SEMA5A: variants seen among roughly 807,000 people sequenced by gnomAD.
SEMA5A encodes semaphorin 5A, also known as semaphorin-5A.
A neutral mutation model predicts 135.5 loss-of-function variants in SEMA5A; 55 were observed. The observed-to-expected ratio is 0.41, with a 90% CI of 0.33 to 0.51. The LOEUF is 0.51. Among genes scored for constraint, SEMA5A ranks in the 20% least tolerant of loss-of-function variants. The pLI is 0.37. For missense variants in SEMA5A, 1,290 were observed against 1,419.9 expected (o/e 0.91, Z 1.47); for synonymous variants, 580 against 546.5 (o/e 1.06, Z -0.85).
chr5:9,111,590 C>T (rs974064321), intron 15 of SEMA5A, among the ~76,000 whole-genome samples: 6 of 152,058 alleles, frequency 3.9e-5, no homozygotes, highest in African/African-American at 1.4e-4. Context: ...GTTTTTTTCT[C>T]TTTCTCCTAT....
rs370310565 is a variant in SEMA5A, at chr5:9,066,557, G to A, written c.2163C>T (p.Asn721=). Residue 721 remains asparagine, a synonymous_variant, in exon 17 of 23, where the codon AAC becomes AAT. Coordinates refer to ENST00000382496, the MANE Select transcript of SEMA5A (RefSeq NM_003966.3). ...TPWTPVNISD[N]GGHYEQRFRY... ...GGAATCGTTGCTCATAGTGGCCGCC[G>A]TTGTCAGAGATGTTGACAGGTGTCC... is the stretch of plus-strand genomic sequence containing the variant. 84 of 1,614,152 alleles carry A rather than the reference G, an allele frequency of 5.2e-5. No individual in the cohort carries two copies. The highest frequency in any genetic ancestry group is 8.0e-5 in the African/African-American group (6 of 75,016).
Position 9,459,948 on chromosome 5 carries a change from T to C in SEMA5A, c.-174-22096A>G, listed in dbSNP as rs191537567. Among the ~76,000 whole-genome samples the C allele has an allele frequency of 2.0e-5, 3 of 152,350 alleles. No homozygotes were observed. The East Asian group carries it at 5.8e-4, about 29-fold the overall frequency. On this transcript the variant is annotated intron_variant, in intron 1 of 22. Transcript: ENST00000382496. ...GCAGATAACTGATTCCTTTTCCATT[T>C]ACAATTCTGCAGTGGTTCTAAAGAA...
intron 5 of SEMA5A, among the ~76,000 whole-genome samples, chr5:9,291,471 G>T (rs541916454): frequency 6.6e-6 from 1 of 152,250 alleles, no homozygotes; most frequent in Admixed American, 6.5e-5. Context: ...TCTCTTGAAG[G>T]CAGGTGCCAT....
chr5:9,419,402 G>A (rs535600517), intron 2 of SEMA5A, among the ~76,000 whole-genome samples: 3 of 152,238 alleles, frequency 2.0e-5, no homozygotes, highest in Admixed American at 6.5e-5. Flanking sequence ...CAGAGTGTGT[G>A]CCTCACTTAG....
In SEMA5A at chr5:9,249,261, G is replaced by A. The variant is rs574513660; in HGVS notation, c.271-11371C>T. ...CTATAAAGGAAATCTCTATTTGTAA[G>A]GGTGTCTCCCCTACTGTACCAGGAA... On this transcript the variant is annotated intron_variant, in intron 5 of 22. Coordinates refer to ENST00000382496, the MANE Select transcript of SEMA5A (RefSeq NM_003966.3). Among the ~76,000 whole-genome samples the A allele has an allele frequency of 7.2e-5, 11 of 152,308 alleles. No homozygotes were observed. The East Asian group carries it at 1.7e-3, about 24-fold the overall frequency.
intron 17 of SEMA5A, among the ~76,000 whole-genome samples, chr5:9,064,631 C>G (rs1031790689): frequency 6.6e-6 from 1 of 152,212 alleles, no homozygotes; most frequent in East Asian, 1.9e-4. Context: ...ACACCACAGA[C>G]CGGGGCCTGT....
intron 5 of SEMA5A, among the ~76,000 whole-genome samples, chr5:9,283,660 A>C (rs1410101458): frequency 6.6e-6 from 1 of 152,200 alleles, no homozygotes; most frequent in Non-Finnish European, 1.5e-5. Flanking sequence ...ACCAGGGGGC[A>C]GAATCCTGGG....
At chr5:9,283,983 T>C (rs941328172) in intron 5 of SEMA5A, among the ~76,000 whole-genome samples, 1 of 151,382 alleles carries the variant, frequency 6.6e-6, no homozygotes, top group Non-Finnish European at 1.5e-5. Flanking sequence ...TACTAAAAAA[T>C]AGATAGATAG....
chr5:9,171,437 G>C (rs759665689), intron 11 of SEMA5A, among the ~76,000 whole-genome samples: 15 of 152,166 alleles, frequency 9.9e-5, no homozygotes, highest in Non-Finnish European at 1.3e-4. Context: ...TTAAACATCA[G>C]TTTGGAGAAA....
At chr5:9,269,801 G>C (rs1289306839) in intron 5 of SEMA5A, among the ~76,000 whole-genome samples, 1 of 152,020 alleles carries the variant, frequency 6.6e-6, no homozygotes, top group Non-Finnish European at 1.5e-5. Context: ...CAAAACATAA[G>C]AATTAGTTCT....
chr5:9,046,357 G>C (rs1736252660), intron 21 of SEMA5A, among the ~76,000 whole-genome samples: 1 of 152,212 alleles, frequency 6.6e-6, no homozygotes, highest in Non-Finnish European at 1.5e-5. Context: ...AATGAGAAGA[G>C]CCTGGGTGCA....
chr5:9,328,987 C>T (rs1202346984), intron 4 of SEMA5A, among the ~76,000 whole-genome samples: 2 of 152,312 alleles, frequency 1.3e-5, no homozygotes, highest in East Asian at 1.9e-4. Flanking sequence ...TTACTTCCCC[C>T]TCTCTGTCAC....
intron 4 of SEMA5A, among the ~76,000 whole-genome samples, chr5:9,326,652 C>A (rs1486115822): frequency 6.6e-6 from 1 of 151,982 alleles, no homozygotes; most frequent in Non-Finnish European, 1.5e-5. Flanking sequence ...CGTAGTGGTG[C>A]ACAACTGTAA....
chr5:9,214,035 G>A (rs1746484081), intron 8 of SEMA5A, among the ~76,000 whole-genome samples: 1 of 152,144 alleles, frequency 6.6e-6, no homozygotes, highest in African/African-American at 2.4e-5. Context: ...CCAGAGACTG[G>A]GGAAAATGGA....
At chr5:9,467,466 C>T (rs1029685782) in intron 1 of SEMA5A, among the ~76,000 whole-genome samples, 5 of 152,136 alleles carry the variant, frequency 3.3e-5, no homozygotes, top group Non-Finnish European at 7.3e-5. Flanking sequence ...ATTAGAACTC[C>T]AGGCACCTTC....
At chr5:9,200,055 T>C (rs1745620136) in intron 9 of SEMA5A, among the ~76,000 whole-genome samples, 1 of 152,130 alleles carries the variant, frequency 6.6e-6, no homozygotes, top group African/African-American at 2.4e-5. Context: ...TTTCTTTCCG[T>C]TTGAAAAAAA....
chr5:9,321,681 T>C (rs1392323406), intron 4 of SEMA5A, among the ~76,000 whole-genome samples: 4 of 152,202 alleles, frequency 2.6e-5, no homozygotes, highest in Admixed American at 1.3e-4. Context: ...ATGTTAATTT[T>C]GTCATTGGTC....
intron 12 of SEMA5A, among the ~76,000 whole-genome samples, chr5:9,144,466 C>A (rs899275953): frequency 6.6e-6 from 1 of 152,168 alleles, no homozygotes. Context: ...GGAAGAGGTT[C>A]AATGCCAAGG....
chr5:9,279,390 A>C (rs1345183793), intron 5 of SEMA5A, among the ~76,000 whole-genome samples: 1 of 152,166 alleles, frequency 6.6e-6, no homozygotes, highest in African/African-American at 2.4e-5. Context: ...TTGATTTTAC[A>C]GGATCATAGG....
Sources: gnomAD v4.1 joint callset for allele counts (sites outside exome capture counted in the v4.1 genomes callset) on GRCh38, gnomAD v4.1.1 for gene constraint, MANE v1.5 for transcripts, NCBI Gene and HGNC (gene_info 2026-07-23, HGNC 2026-07-21) for gene names.